The following MYO6 variants were observed in gnomAD, a reference collection of about 807,000 sequenced individuals.
MYO6 encodes the protein myosin VI, also known as unconventional myosin-VI.
MYO6 carries 74 observed loss-of-function variants against 178.7 expected under a neutral mutation model. The observed-to-expected ratio is 0.41, with a 90% CI of 0.34 to 0.50. The LOEUF (loss-of-function observed/expected upper bound fraction) is 0.50. MYO6 is among the 20% of genes least tolerant of loss of function. The probability of loss-of-function intolerance (pLI) is 0.09; values close to 1 mark genes in which losing one functional copy is unlikely to be tolerated. For synonymous variants in MYO6, 477 were observed against 504.6 expected, an observed-to-expected ratio of 0.95 and a Z score of 0.73; for missense variants, 1,330 against 1,547.4, an observed-to-expected ratio of 0.86 and a Z score of 2.36.
intron 1 of MYO6, among the ~76,000 whole-genome samples, chr6:75,804,563 TTACTC>T (rs1769810507): frequency 6.6e-6 from 1 of 151,098 alleles, no homozygotes. Context: ...CCAATTCTGT[TTACTC>T]TTCTATTCTA....
chr6:75,841,744 C>G (rs1257560790), intron 9 of MYO6, among the ~76,000 whole-genome samples: 2 of 152,022 alleles, frequency 1.3e-5, no homozygotes, highest in African/African-American at 4.8e-5. Context: ...GCCATCAAGC[C>G]TAATACTTAT....
intron 1 of MYO6, among the ~76,000 whole-genome samples, chr6:75,797,122 C>A (rs1376744517): frequency 6.6e-6 from 1 of 152,096 alleles, no homozygotes; most frequent in East Asian, 1.9e-4. Flanking sequence ...CAGAGTCTTG[C>A]TCTGTCACCC....
At chr6:75,841,193 T>C (rs529148986) in intron 8 of MYO6, 21 bp from the exon 9 acceptor site, 2 of 1,608,160 alleles carry the variant, frequency 1.2e-6, no homozygotes, top group African/African-American at 1.3e-5. Context: ...AAATATATTT[T>C]CTCTGTGTTT....
intron 1 of MYO6, among the ~76,000 whole-genome samples, chr6:75,766,996 T>A (rs1373329577): frequency 6.6e-6 from 1 of 152,124 alleles, no homozygotes; most frequent in Non-Finnish European, 1.5e-5. Context: ...GCTGCAGTAT[T>A]TTTATTTTTT....
At chr6:75,799,551 C>T (rs9443192) in intron 1 of MYO6, among the ~76,000 whole-genome samples, 7 of 151,936 alleles carry the variant, frequency 4.6e-5, no homozygotes, top group Non-Finnish European at 7.4e-5. Context: ...TTAGCTCTAG[C>T]GAGTCAATAA....
intron 10 of MYO6, among the ~76,000 whole-genome samples, chr6:75,846,384 C>T (rs1343927541): frequency 6.6e-6 from 1 of 151,844 alleles, no homozygotes; most frequent in African/African-American, 2.4e-5. Context: ...ATTTTTTACT[C>T]TTCTTAAAAT....
chr6:75,780,978 A>G (rs2150051430), intron 1 of MYO6, among the ~76,000 whole-genome samples: 1 of 151,790 alleles, frequency 6.6e-6, no homozygotes, highest in South Asian at 2.1e-4. Flanking sequence ...ACACCTGGCT[A>G]ATTTTTGTAT....
chr6:75,813,873 C>G (rs1770942679), intron 1 of MYO6, among the ~76,000 whole-genome samples: 1 of 152,158 alleles, frequency 6.6e-6, no homozygotes, highest in Non-Finnish European at 1.5e-5. Context: ...CTGCCCTGTT[C>G]TCTATTCTAC....
At chr6:75,895,314 G>T in intron 29 of MYO6, 54 bp downstream of exon 29, 1 of 1,374,816 alleles carries the variant, frequency 7.3e-7, no homozygotes, top group South Asian at 1.2e-5. Context: ...CTTTTTGGGA[G>T]TAGTTTTCTC....
In MYO6 at chr6:75,799,368, C is replaced by G. The variant is rs900699475; in HGVS notation, c.-47-18133C>G. 1.6e-4 allele frequency among the ~76,000 whole-genome samples: 23 copies of G among 143,946 alleles called. 1 individual carries two copies. The highest frequency in any genetic ancestry group is 3.6e-3 in the Middle Eastern group (1 of 276). The allele number at this position is 143,946 out of a possible 152,430, so 94.4% of individuals were successfully genotyped here. ...TCTTGCCATTGCCTTCCACCCCGGACGACAAGAGCAAAACTCTGTCTAAAA... is the reference window on the plus strand; with the variant it reads ...TCTTGCCATTGCCTTCCACCCCGGAGGACAAGAGCAAAACTCTGTCTAAAA... On this transcript the variant is annotated intron_variant, in intron 1 of 34. Transcript: ENST00000369977.
At chr6:75,767,743 CTG>C (rs1778565290) in intron 1 of MYO6, among the ~76,000 whole-genome samples, 1 of 152,026 alleles carries the variant, frequency 6.6e-6, no homozygotes, top group Non-Finnish European at 1.5e-5. Context: ...CTCTTAACTT[CTG>C]AGCTCAAGCC....
At chr6:75,888,044 C>G (rs1478755247) in intron 25 of MYO6, among the ~76,000 whole-genome samples, 15 of 151,744 alleles carry the variant, frequency 9.9e-5, no homozygotes, top group Non-Finnish European at 1.5e-5. Flanking sequence ...AATCCCAGCA[C>G]TTTGGGAGGC....
At position 75,892,589 on chromosome 6, in the gene MYO6, T is replaced by C; in HGVS notation, c.3006T>C (p.Val1002=). ...QKEEESQQQA[V]LEQERRDREL... is the part of the protein sequence containing the mutation. ...AGGAGGAATCCCAACAGCAAGCAGTTCTGGAGCAGGAGCGCAGGGACCGGG... is the reference window on the plus strand; with the variant it reads ...AGGAGGAATCCCAACAGCAAGCAGTCCTGGAGCAGGAGCGCAGGGACCGGG... Residue 1002 remains valine, a synonymous_variant, in exon 28 of 35, where the codon GTT becomes GTC. Transcript: ENST00000369977. 1 of 1,613,762 alleles carries C rather than the reference T, an allele frequency of 6.2e-7. No homozygotes were observed. The highest frequency in any genetic ancestry group is 1.3e-5 in the African/African-American group (1 of 75,010).
intron 1 of MYO6, among the ~76,000 whole-genome samples, chr6:75,814,114 CA>C (rs1187021819): frequency 5.3e-5 from 8 of 152,104 alleles, no homozygotes; most frequent in African/African-American, 1.4e-4. Context: ...GACTGCTTTT[CA>C]AGTTTATTTA....
chr6:75,752,454 G>A (rs1282512525), intron 1 of MYO6, among the ~76,000 whole-genome samples: 1 of 152,182 alleles, frequency 6.6e-6, no homozygotes, highest in Non-Finnish European at 1.5e-5. Context: ...TTTTACAGAT[G>A]AGGGAGTCTA....
intron 20 of MYO6, among the ~76,000 whole-genome samples, chr6:75,875,861 A>G (rs1777531917): frequency 6.6e-6 from 1 of 152,178 alleles, no homozygotes; most frequent in Admixed American, 6.5e-5. Context: ...TTATCACTCC[A>G]CAACTCATCT....
At position 75,883,296 on chromosome 6, in the gene MYO6, A is replaced by G. The variant is rs191051387; in HGVS notation, c.2416+1478A>G. ...TTTGACATAAAAAAAAGTGTATCAC[A>G]GGGACAGATTATAGGCAGTTGCATG... On this transcript the variant is annotated intron_variant, in intron 23 of 34. Transcript: ENST00000369977. Among the ~76,000 whole-genome samples the G allele has an allele frequency of 4.1e-4, 62 of 151,190 alleles. 1 individual carries two copies. Among genetic ancestry groups the G allele is most frequent in the Admixed American group, 3.0e-3 (46 of 15,148 alleles).
At chr6:75,773,181 A>G (rs562965458) in intron 1 of MYO6, among the ~76,000 whole-genome samples, 1 of 152,320 alleles carries the variant, frequency 6.6e-6, no homozygotes, top group East Asian at 1.9e-4. Flanking sequence ...CAGGCTGTTT[A>G]CATGTGAGGA....
chr6:75,896,328 C>T (rs1389581814), intron 29 of MYO6, among the ~76,000 whole-genome samples: 1 of 152,208 alleles, frequency 6.6e-6, no homozygotes, highest in Admixed American at 6.5e-5. Context: ...GAAAGTGCTT[C>T]TGCATAACTG....
Sources: gnomAD v4.1 joint callset for allele counts (sites outside exome capture counted in the v4.1 genomes callset) on GRCh38, gnomAD v4.1.1 for gene constraint, MANE v1.5 for transcripts, NCBI Gene and HGNC (gene_info 2026-07-23, HGNC 2026-07-21) for gene names.